The following ASTN2 variants were observed in gnomAD, a reference collection of about 807,000 sequenced individuals.
ASTN2 encodes the protein astrotactin 2, also known as astrotactin-2.
In ASTN2, 54 loss-of-function variants were observed where a neutral mutation model predicts 139.8. That is an observed-to-expected ratio of 0.39 (90% confidence interval 0.31 to 0.48). The LOEUF is 0.48. ASTN2 is among the 20% of genes least tolerant of loss of function. The pLI is 0.95. For synonymous variants in ASTN2, 756 were observed against 719.5 expected (o/e 1.05, Z -0.81); for missense variants, 1,565 against 1,725.1 (o/e 0.91, Z 1.64).
At chr9:117,113,337 C>A (rs567714389) in intron 4 of ASTN2, among the ~76,000 whole-genome samples, 1 of 152,280 alleles carries the variant, frequency 6.6e-6, no homozygotes, top group South Asian at 2.1e-4. Context: ...ACCCAAATAT[C>A]CACCAACTGG....
In ASTN2 at chr9:116,908,479, C is replaced by A. The variant is rs983086176; in HGVS notation, c.1890-44746G>T. 4.6e-5 allele frequency among the ~76,000 whole-genome samples: 7 copies of A among 152,330 alleles called. 1 individual carries two copies. In the South Asian group the frequency reaches 6.2e-4, roughly 14 times the overall value. ...AGGCTATCATTTCCAACCTCTTCCT[C>A]ACCATAAAAACATGATGGTCACCAC... On this transcript the variant is annotated intron_variant, in intron 10 of 22. Transcript: ENST00000313400.
At chr9:116,588,654 A>AT (rs1854256491) in intron 19 of ASTN2, among the ~76,000 whole-genome samples, 1 of 151,764 alleles carries the variant, frequency 6.6e-6, no homozygotes, top group Non-Finnish European at 1.5e-5. Flanking sequence ...TAGCTTTAGA[A>AT]TATTATGCTG....
chr9:117,221,778 T>C (rs143239833), intron 2 of ASTN2, among the ~76,000 whole-genome samples: 110 of 152,196 alleles, frequency 7.2e-4, no homozygotes, highest in African/African-American at 2.6e-3. Flanking sequence ...AGACGTCTCC[T>C]TTCAGGCCCC....
At chr9:116,563,394 T>TAAAAAC (rs1853024799) in intron 19 of ASTN2, among the ~76,000 whole-genome samples, 1 of 150,890 alleles carries the variant, frequency 6.6e-6, no homozygotes, top group African/African-American at 2.4e-5. Context: ...AAAATAAAAA[T>TAAAAAC]AAAAATAAAA....
At chr9:116,682,829 G>T (rs961308790) in intron 16 of ASTN2, among the ~76,000 whole-genome samples, 1 of 151,736 alleles carries the variant, frequency 6.6e-6, no homozygotes, top group Non-Finnish European at 1.5e-5. Flanking sequence ...TGAACAATGA[G>T]AACACATGGA....
At chr9:117,170,076 T>C (rs569831284) in intron 3 of ASTN2, among the ~76,000 whole-genome samples, 10 of 152,238 alleles carry the variant, frequency 6.6e-5, no homozygotes, top group African/African-American at 1.9e-4. Flanking sequence ...GGAAGGTCAT[T>C]GTGAGGACTA....
intron 19 of ASTN2, among the ~76,000 whole-genome samples, chr9:116,514,993 A>C (rs1398803324): frequency 1.3e-5 from 2 of 152,052 alleles, no homozygotes; most frequent in Non-Finnish European, 2.9e-5. Context: ...GGTGTGCTGC[A>C]CCCACTGTCC....
intron 13 of ASTN2, among the ~76,000 whole-genome samples, chr9:116,768,118 G>A (rs890022052): frequency 6.6e-6 from 1 of 152,118 alleles, no homozygotes; most frequent in Non-Finnish European, 1.5e-5. Flanking sequence ...AGAATATATT[G>A]TAAACTCCCA....
chr9:116,575,238 A>T (rs554733950), intron 19 of ASTN2, among the ~76,000 whole-genome samples: 2 of 152,116 alleles, frequency 1.3e-5, no homozygotes, highest in Non-Finnish European at 2.9e-5. Flanking sequence ...GTTTTTAATA[A>T]TTATAAAAAT....
At chr9:117,168,703 C>T (rs771243203) in intron 3 of ASTN2, among the ~76,000 whole-genome samples, 8 of 152,142 alleles carry the variant, frequency 5.3e-5, no homozygotes, top group Non-Finnish European at 1.2e-4. Flanking sequence ...TCTTTTCTAA[C>T]TTGTCAGATT....
At chr9:116,914,653 C>A (rs1834396574) in intron 10 of ASTN2, among the ~76,000 whole-genome samples, 1 of 151,572 alleles carries the variant, frequency 6.6e-6, no homozygotes, top group Non-Finnish European at 1.5e-5. Flanking sequence ...ATCTTCACAT[C>A]TGAGGCTCAG....
intron 13 of ASTN2, among the ~76,000 whole-genome samples, chr9:116,772,235 G>A (rs1375330662): frequency 1.3e-5 from 2 of 152,160 alleles, no homozygotes; most frequent in Non-Finnish European, 2.9e-5. Flanking sequence ...CATGTCACGG[G>A]AGGGACGTGG....
rs569258383 is a variant in ASTN2 at position 117,008,193 on chromosome 9, A to T, written c.1490T>A (p.Leu497His). ...DISDWLNPAK[L>H]SLYYQINATS... ...GGCATTGATCTGGTAATACAGGGAA[A>T]GCTTGGCCGGGTTTAACCAGTCGGA... Residue 497 changes from leucine to histidine, a missense_variant, in exon 7 of 23, where the codon CTT becomes CAT. Physicochemically the swap from Leu to His is moderately conservative, Grantham distance 99. Around this residue, in one of 4 missense-constraint regions of ASTN2, gnomAD observed 503 missense variants for 591.7 expected, o/e 0.85. Transcript: ENST00000313400. 1 of 1,611,936 alleles carries T rather than the reference A, an allele frequency of 6.2e-7. No homozygotes were observed. The highest frequency in any genetic ancestry group is 1.3e-5 in the African/African-American group (1 of 75,034).
At position 116,698,022 on chromosome 9, in the gene ASTN2, G is replaced by A. The variant is rs1231169096; in HGVS notation, c.2806+27749C>T. 31 of 1,614,058 alleles carry A rather than the reference G, an allele frequency of 1.9e-5. No individual in the cohort carries two copies. The highest frequency in any genetic ancestry group is 2.5e-5 in the Non-Finnish European group (30 of 1,180,048). On this transcript the variant is annotated intron_variant, in intron 16 of 22. Coordinates refer to ENST00000313400, the MANE Select transcript of ASTN2 (RefSeq NM_001365068.1). This position sits in a 1 kb window ranked among gnomAD's most constrained non-coding sequence, Gnocchi z 4.4. ...CATTGATACAGCTGGGCTCAGCGAG[G>A]CTGTGGGGCTGCTCATGTGTCGGTC... is the stretch of plus-strand genomic sequence containing the variant.
Position 117,386,351 on chromosome 9 carries a change from G to A in ASTN2, c.442+28146C>T, listed in dbSNP as rs538054613. ...AACATGGAGCAGCTGACAGCCTCCA[G>A]GTTAAATGGAGTGGAAGACATGCGA... On this transcript the variant is annotated intron_variant, in intron 1 of 22. Coordinates refer to ENST00000313400, the MANE Select transcript of ASTN2 (RefSeq NM_001365068.1). Among the ~76,000 whole-genome samples the A allele has an allele frequency of 3.3e-5, 5 of 152,292 alleles. No homozygotes were observed. The East Asian group carries it at 7.7e-4, about 24-fold the overall frequency.
intron 4 of ASTN2, among the ~76,000 whole-genome samples, chr9:117,124,135 T>C (rs1243429619): frequency 6.6e-6 from 1 of 152,216 alleles, no homozygotes. Flanking sequence ...CAGGGATTTC[T>C]CAGGCTTCTT....
rs1455225616 is a variant in ASTN2 at position 117,069,933 on chromosome 9, A to G, written c.1276+26111T>C. Reference sequence around the variant, plus strand: ...CATGTGAGATGGGTTTCCTGAATACAGCACACTGATGGGTCTTGACTCTTT... The same window carrying G: ...CATGTGAGATGGGTTTCCTGAATACGGCACACTGATGGGTCTTGACTCTTT... On this transcript the variant is annotated intron_variant, in intron 5 of 22. Transcript: ENST00000313400. Among the ~76,000 whole-genome samples, 4 of 102,750 alleles carry G rather than the reference A, an allele frequency of 3.9e-5. No homozygotes were observed. The East Asian group carries it at 1.3e-3, about 34-fold the overall frequency. The allele number at this position is 102,750 out of a possible 152,430, so 67.4% of individuals were successfully genotyped here.
In ASTN2 at chr9:116,742,871, T is replaced by C. The variant is rs949929374; in HGVS notation, c.2397-9348A>G. Among the ~76,000 whole-genome samples, 15 of 152,126 alleles carry C rather than the reference T, an allele frequency of 9.9e-5. 1 individual carries two copies. The highest frequency in any genetic ancestry group is 1.9e-4 in the Non-Finnish European group (13 of 68,022). ...GTAGATGAGGCTGAGATTAGAACATTAGAACCAAGGGGGCTTCAGAGTGTT... is the reference window on the plus strand; with the variant it reads ...GTAGATGAGGCTGAGATTAGAACATCAGAACCAAGGGGGCTTCAGAGTGTT... On this transcript the variant is annotated intron_variant, in intron 13 of 22. Transcript: ENST00000313400.
chr9:116,478,723 A>G (rs1849072309), intron 20 of ASTN2, among the ~76,000 whole-genome samples: 1 of 152,132 alleles, frequency 6.6e-6, no homozygotes, highest in Non-Finnish European at 1.5e-5. Context: ...GGCTGGGCGC[A>G]GTGGCTCACA....
Sources: allele counts gnomAD v4.1 joint callset (sites outside exome capture counted in the v4.1 genomes callset), GRCh38; gene constraint gnomAD v4.1.1; regional missense constraint gnomAD v4.1.1; non-coding constraint Gnocchi (gnomAD v3.1); transcripts MANE v1.5; gene names NCBI Gene and HGNC (gene_info 2026-07-23, HGNC 2026-07-21).